The following SLC67A1 variants were observed in gnomAD, a reference collection of about 807,000 sequenced individuals.
The protein encoded by SLC67A1 is solute carrier family 67 member 1, also known as solute carrier family 67 member A1.
chr11:2,925,190 T>C, the SLC67A1 span: 1 of 1,612,968 alleles, frequency 6.2e-7, no homozygotes. The surrounding 1 kb of genome is among the most constrained non-coding windows in gnomAD (Gnocchi z 6.5). Flanking sequence ...AAGGACAAAG[T>C]CCGGTGACCG....
chr11:2,902,485 C>T, the SLC67A1 span: 1 of 688,710 alleles, frequency 1.5e-6, no homozygotes, highest in Non-Finnish European at 1.8e-6. Context: ...CCCTGCTCCC[C>T]CCAGCCTCCC....
At chr11:2,924,748 G>C in the SLC67A1 span, among the ~76,000 whole-genome samples, 420 of 152,332 alleles carry the variant, frequency 2.8e-3, 2 homozygotes, top group African/African-American at 9.3e-3. The surrounding 1 kb of genome is among the most constrained non-coding windows in gnomAD (Gnocchi z 8.6). Context: ...AGAGGTCCTC[G>C]GGGAACAGAC....
At chr11:2,909,184 C>T in the SLC67A1 span, 1 of 1,501,120 alleles carries the variant, frequency 6.7e-7, no homozygotes, top group South Asian at 1.3e-5. Flanking sequence ...CGACCCGCCC[C>T]TCGGCCCCCA....
chr11:2,921,417 A>G, the SLC67A1 span: 1 of 152,954 alleles, frequency 6.5e-6, no homozygotes, highest in African/African-American at 2.4e-5. Flanking sequence ...GTGGGCAGAT[A>G]CTGAGCCCAG....
the SLC67A1 span, chr11:2,902,481 TC>T: frequency 1.8e-6 from 1 of 556,772 alleles, no homozygotes; most frequent in Non-Finnish European, 2.3e-6. Context: ...GCTGCCCTGC[TC>T]CCCCCAGCCT....
At chr11:2,906,292 C>T in the SLC67A1 span, among the ~76,000 whole-genome samples, 1 of 152,146 alleles carries the variant, frequency 6.6e-6, no homozygotes, top group African/African-American at 2.4e-5. Context: ...CTAGTTCAAC[C>T]ATTGTGGAAG....
At chr11:2,903,773 C>T in the SLC67A1 span, 26 of 478,424 alleles carry the variant, frequency 5.4e-5, no homozygotes, top group African/African-American at 4.6e-4. Flanking sequence ...ACCTTCCTAG[C>T]GCTGTTCCTC....
the SLC67A1 span, chr11:2,909,251 T>TTGGCGCTCTACCTGCTCC: frequency 6.5e-7 from 1 of 1,538,830 alleles, no homozygotes. Context: ...CCTGGCTGCC[T>TTGGCGCTCTACCTGCTCC]TGGCGCTCTA....
At chr11:2,919,484 C>A in the SLC67A1 span, 2 of 1,078,318 alleles carry the variant, frequency 1.9e-6, no homozygotes, top group Admixed American at 1.8e-5. Context: ...GTAGAGGCTC[C>A]TCCCCGGCGG....
At chr11:2,924,201 T>C in the SLC67A1 span, among the ~76,000 whole-genome samples, 65 of 152,290 alleles carry the variant, frequency 4.3e-4, no homozygotes, top group African/African-American at 1.5e-3. The surrounding 1 kb of genome is among the most constrained non-coding windows in gnomAD (Gnocchi z 8.6). Context: ...GGCGTGGAGA[T>C]GCGGTGTCAG....
chr11:2,901,337 G>A, the SLC67A1 span, among the ~76,000 whole-genome samples: 41 of 152,342 alleles, frequency 2.7e-4, no homozygotes, highest in East Asian at 1.7e-3. Flanking sequence ...GACTTTGGCC[G>A]GCTCTCGCTC....
chr11:2,909,143 G>T, the SLC67A1 span: 1 of 1,431,728 alleles, frequency 7.0e-7, no homozygotes, highest in African/African-American at 1.5e-5. Flanking sequence ...TGGACGGGGG[G>T]AAGGGGACAC....
chr11:2,906,522 T>C, the SLC67A1 span, among the ~76,000 whole-genome samples: 11 of 152,144 alleles, frequency 7.2e-5, no homozygotes, highest in Non-Finnish European at 1.3e-4. Context: ...ATATAAACCA[T>C]GGAATACTAT....
chr11:2,911,958 A>G, the SLC67A1 span, among the ~76,000 whole-genome samples: 1 of 152,160 alleles, frequency 6.6e-6, no homozygotes, highest in South Asian at 2.1e-4. Flanking sequence ...CATTCATCCC[A>G]AGATCTGAGG....
the SLC67A1 span, chr11:2,921,916 G>A: frequency 9.3e-4 from 582 of 626,624 alleles, 1 homozygote; most frequent in Middle Eastern, 8.7e-4. Context: ...CCATCCTGAC[G>A]CAGTCACTGC....
the SLC67A1 span, among the ~76,000 whole-genome samples, chr11:2,901,733 A>G: frequency 6.6e-6 from 1 of 152,164 alleles, no homozygotes; most frequent in Non-Finnish European, 1.5e-5. Context: ...TGCTCCTAGC[A>G]GCCTCCGGGT....
chr11:2,921,836 G>A, the SLC67A1 span: 170 of 476,052 alleles, frequency 3.6e-4, 1 homozygote, highest in Middle Eastern at 1.7e-3. Context: ...GCCCATCCCC[G>A]GTGTCCCTGG....
the SLC67A1 span, chr11:2,909,142 G>C: frequency 7.0e-7 from 1 of 1,431,606 alleles, no homozygotes; most frequent in Non-Finnish European, 9.1e-7. Flanking sequence ...CTGGACGGGG[G>C]GAAGGGGACA....
chr11:2,912,495 CACA>C, the SLC67A1 span, among the ~76,000 whole-genome samples: 1 of 152,230 alleles, frequency 6.6e-6, no homozygotes, highest in Non-Finnish European at 1.5e-5. Flanking sequence ...GAAACCGAGG[CACA>C]ACATGTGTGG....
Sources: allele counts gnomAD v4.1 joint callset (sites outside exome capture counted in the v4.1 genomes callset), GRCh38; gene constraint gnomAD v4.1.1; non-coding constraint Gnocchi (gnomAD v3.1); transcripts MANE v1.5; gene names NCBI Gene and HGNC (gene_info 2026-07-23, HGNC 2026-07-21).